Variants in ZNF536 observed in about 807,000 individuals in gnomAD.
ZNF536 encodes the protein zinc finger protein 536.
A neutral mutation model predicts 84.5 loss-of-function variants in ZNF536; 13 were observed. The ratio of observed to expected loss-of-function variants is 0.15; its 90% CI spans 0.10 to 0.24. ZNF536 has a LOEUF of 0.24. Among genes scored for constraint, ZNF536 ranks in the 10% least tolerant of loss-of-function variants. The pLI, the probability that ZNF536 is intolerant of heterozygous loss-of-function variation, is 1.00. For missense variants in ZNF536, 1,536 were observed against 1,747.5 expected (o/e 0.88, Z 2.16); for synonymous variants, 811 against 742.5 (o/e 1.09, Z -1.50).
chr19:30,348,004 T>C (rs1600324163), intron 2 of ZNF536, among the ~76,000 whole-genome samples: 1 of 152,378 alleles, frequency 6.6e-6, no homozygotes. Context: ...TACTTGTTGA[T>C]GACAAGATTC....
chr19:30,498,168 G>A (rs774337071), intron 2 of ZNF536, among the ~76,000 whole-genome samples: 5 of 152,104 alleles, frequency 3.3e-5, no homozygotes, highest in Non-Finnish European at 7.3e-5. Flanking sequence ...ATTCACAATA[G>A]CAAAGACATG....
At chr19:30,314,609 G>A (rs1390189425) in intron 2 of ZNF536, among the ~76,000 whole-genome samples, 1 of 152,092 alleles carries the variant, frequency 6.6e-6, no homozygotes, top group East Asian at 1.9e-4. Flanking sequence ...ATGTTGTCAG[G>A]GTTATCTTTG....
intron 1 of ZNF536, among the ~76,000 whole-genome samples, chr19:30,413,312 T>C (rs2050575990): frequency 6.6e-6 from 1 of 152,190 alleles, no homozygotes; most frequent in Non-Finnish European, 1.5e-5. Flanking sequence ...AAGGCTTTGT[T>C]CATTTGTTTT....
intron 1 of ZNF536, among the ~76,000 whole-genome samples, chr19:30,237,486 G>C (rs118135920): frequency 0.012 from 1,791 of 152,226 alleles, 20 homozygotes; most frequent in Non-Finnish European, 0.016. Flanking sequence ...TAAACGTGAA[G>C]GTATTTATGA....
intron 1 of ZNF536, among the ~76,000 whole-genome samples, chr19:30,563,600 A>G (rs2046250333): frequency 6.6e-6 from 1 of 152,212 alleles, no homozygotes; most frequent in Non-Finnish European, 1.5e-5. Flanking sequence ...GCCGCTGCAA[A>G]GTGAATGATC....
chr19:30,668,588 T>C (rs2050421016), intron 1 of ZNF536: 1 of 152,242 alleles, frequency 6.6e-6, no homozygotes, highest in Non-Finnish European at 1.5e-5. Flanking sequence ...TACCTTAGAG[T>C]TGACCCAGAT....
intron 1 of ZNF536, among the ~76,000 whole-genome samples, chr19:30,386,403 G>T (rs1600506948): frequency 6.6e-6 from 1 of 152,192 alleles, no homozygotes; most frequent in East Asian, 1.9e-4. Context: ...TTGAGATAGG[G>T]TCTCACTCTG....
intron 1 of ZNF536, among the ~76,000 whole-genome samples, chr19:30,420,768 C>T (rs758563478): frequency 1.3e-5 from 2 of 151,996 alleles, no homozygotes; most frequent in Non-Finnish European, 2.9e-5. Flanking sequence ...TTGAAATATT[C>T]CTCTCTTGAA....
chr19:30,662,851 T>A (rs1391733854), intron 1 of ZNF536, among the ~76,000 whole-genome samples: 1 of 151,932 alleles, frequency 6.6e-6, no homozygotes, highest in African/African-American at 2.4e-5. Flanking sequence ...GCAGGGGATG[T>A]GAACTATTCA....
intron 2 of ZNF536, among the ~76,000 whole-genome samples, chr19:30,476,295 C>T (rs866866723): frequency 1.3e-5 from 2 of 152,130 alleles, no homozygotes; most frequent in African/African-American, 2.4e-5. Flanking sequence ...GGTGTTAATC[C>T]GTGGACTCTG....
At chr19:30,595,640 C>A (rs959794138) in intron 1 of ZNF536, among the ~76,000 whole-genome samples, 4 of 152,140 alleles carry the variant, frequency 2.6e-5, no homozygotes, top group African/African-American at 9.7e-5. Context: ...TGCTCTCCCA[C>A]CCAAACCACC....
Position 30,445,033 on chromosome 19 carries a change from T to A in ZNF536, c.1471T>A (p.Cys491Ser). 6.2e-7 allele frequency: 1 copy of A among 1,613,240 alleles called. No individual in the cohort carries two copies. Among genetic ancestry groups the A allele is most frequent in the Non-Finnish European group, 8.5e-7 (1 of 1,179,882 alleles). Reference sequence around the variant, plus strand: ...GGGGGACAAGCACTCCCTCCTGGGATGCCTCAATCTCGTGCCGCCGCTGAA... The same window carrying A: ...GGGGGACAAGCACTCCCTCCTGGGAAGCCTCAATCTCGTGCCGCCGCTGAA... ...PEGDKHSLLG[C>S]LNLVPPLKSS... The change falls in exon 2 of 5, where the codon TGC becomes AGC. Residue 491 changes from cysteine (C) to serine (S), a missense_variant. Cys to Ser is a moderately radical substitution (Grantham distance 112, BLOSUM62 -1). Transcript: ENST00000355537. This position sits in a 1 kb window ranked among gnomAD's most constrained non-coding sequence, Gnocchi z 4.5.
chr19:30,488,219 A>T (rs1040126687), intron 2 of ZNF536, among the ~76,000 whole-genome samples: 1 of 152,134 alleles, frequency 6.6e-6, no homozygotes, highest in Non-Finnish European at 1.5e-5. Context: ...TTGGACCCAG[A>T]TGTATCTCTC....
chr19:30,569,863 G>A (rs114337241), intron 1 of ZNF536, among the ~76,000 whole-genome samples: 2,284 of 152,052 alleles, frequency 0.015, 46 homozygotes, highest in South Asian at 0.052. Flanking sequence ...CACTGTACCC[G>A]GCCCAGAGAA....
intron 2 of ZNF536, among the ~76,000 whole-genome samples, chr19:30,335,003 C>T (rs73551241): frequency 0.3 from 44,988 of 152,072 alleles, 6,723 homozygotes; most frequent in Middle Eastern, 0.42. Context: ...TCCTGCTCTG[C>T]GGCCCAGTTC....
chr19:30,446,228 G>A (rs1196059314), intron 2 of ZNF536, among the ~76,000 whole-genome samples: 6 of 106,174 alleles, frequency 5.7e-5, no homozygotes, highest in Non-Finnish European at 1.0e-4. Flanking sequence ...CAGCCTGAGC[G>A]ACAGAGTGAG....
chr19:30,253,107 C>T (rs1568531120), intron 1 of ZNF536, among the ~76,000 whole-genome samples: 1 of 152,188 alleles, frequency 6.6e-6, no homozygotes, highest in Non-Finnish European at 1.5e-5. Flanking sequence ...ATCTTTACCC[C>T]TTGGAAGCTC....
chr19:30,593,759 C>A (rs569954910), intron 1 of ZNF536, among the ~76,000 whole-genome samples: 1 of 152,304 alleles, frequency 6.6e-6, no homozygotes, highest in South Asian at 2.1e-4. Flanking sequence ...GTCATTCACC[C>A]AACTGACAGA....
chr19:30,658,354 C>T (rs1357199565), intron 1 of ZNF536, among the ~76,000 whole-genome samples: 1 of 152,110 alleles, frequency 6.6e-6, no homozygotes, highest in Non-Finnish European at 1.5e-5. Context: ...ACCCAAGCTC[C>T]CCTCAGCCAC....
Sources: allele counts gnomAD v4.1 joint callset (sites outside exome capture counted in the v4.1 genomes callset), GRCh38; gene constraint gnomAD v4.1.1; non-coding constraint Gnocchi (gnomAD v3.1); transcripts MANE v1.5; gene names NCBI Gene and HGNC (gene_info 2026-07-23, HGNC 2026-07-21).